Variants in PDE8B observed in about 807,000 individuals in gnomAD.
The protein encoded by PDE8B is phosphodiesterase 8B, also known as high affinity cAMP-specific and IBMX-insensitive 3',5'-cyclic phosphodiesterase 8B.
A neutral mutation model predicts 101.3 loss-of-function variants in PDE8B; 26 were observed. That is an observed-to-expected ratio of 0.26 (90% CI 0.19 to 0.36). The LOEUF (loss-of-function observed/expected upper bound fraction) is 0.36. Among genes scored for constraint, PDE8B ranks in the 10% least tolerant of loss-of-function variants. The pLI is 1.00. For missense variants in PDE8B, 810 were observed against 1,163.1 expected, an observed-to-expected ratio of 0.70 and a Z score of 4.42; for synonymous variants, 424 against 429.3, an observed-to-expected ratio of 0.99 and a Z score of 0.15.
intron 2 of PDE8B, among the ~76,000 whole-genome samples, chr5:77,320,090 T>A (rs1774693744): frequency 6.6e-6 from 1 of 152,194 alleles, no homozygotes; most frequent in African/African-American, 2.4e-5. Flanking sequence ...CACAAAACAA[T>A]CATAATTTTT....
chr5:77,316,141 T>C (rs1314538370), intron 2 of PDE8B, among the ~76,000 whole-genome samples: 1 of 152,206 alleles, frequency 6.6e-6, no homozygotes, highest in Non-Finnish European at 1.5e-5. Context: ...TTCTTGTTTC[T>C]GCTTATTATC....
At chr5:77,273,293 A>G (rs1357094195) in intron 1 of PDE8B, among the ~76,000 whole-genome samples, 2 of 152,156 alleles carry the variant, frequency 1.3e-5, no homozygotes, top group East Asian at 1.9e-4. Flanking sequence ...TATCAATTCT[A>G]TCTGTAATTT....
the PDE8B span, among the ~76,000 whole-genome samples, chr5:77,097,448 A>G: frequency 2.0e-5 from 3 of 151,880 alleles, no homozygotes; most frequent in South Asian, 4.2e-4. Context: ...TTATATGATT[A>G]TTAGTAGACA....
chr5:77,333,293 T>C lies in PDE8B; in HGVS notation c.708+1834T>C, dbSNP rs138986776. On this transcript the variant is annotated intron_variant, in intron 5 of 21. Coordinates refer to ENST00000264917, the MANE Select transcript of PDE8B (RefSeq NM_003719.5). ...AGACAATGCTTCTGAGTTTTTGGAA[T>C]GAAGAGTTGCAAAAGAAAAATCAGC... 5.2e-3 allele frequency among the ~76,000 whole-genome samples: 786 copies of C among 152,334 alleles called. 7 individuals carry two copies. Among genetic ancestry groups the C allele is most frequent in the African/African-American group, 0.018 (766 of 41,558 alleles).
the PDE8B span, chr5:77,092,453 C>T: frequency 5.9e-5 from 9 of 152,226 alleles, no homozygotes; most frequent in Middle Eastern, 3.4e-3. Context: ...ACTTTCATCA[C>T]GCGTGTAACC....
At chr5:77,326,321 G>A (rs1476717115) in intron 3 of PDE8B, among the ~76,000 whole-genome samples, 2 of 152,182 alleles carry the variant, frequency 1.3e-5, no homozygotes, top group East Asian at 3.8e-4. Flanking sequence ...AGTTAGCTCT[G>A]GATGAACTGA....
intron 1 of PDE8B, among the ~76,000 whole-genome samples, chr5:77,267,407 T>A (rs1761947415): frequency 6.8e-6 from 1 of 147,844 alleles, no homozygotes; most frequent in South Asian, 2.1e-4. Context: ...GCCACTGCAC[T>A]CCAGCCTGGG....
At chr5:77,186,207 G>A in the PDE8B span, among the ~76,000 whole-genome samples, 91 of 152,254 alleles carry the variant, frequency 6.0e-4, 1 homozygote, top group South Asian at 0.019. Context: ...GTGTGCCCAG[G>A]AAGCATGTAT....
intron 10 of PDE8B, among the ~76,000 whole-genome samples, chr5:77,376,679 T>G (rs1045219082): frequency 6.6e-6 from 1 of 152,210 alleles, no homozygotes; most frequent in East Asian, 1.9e-4. Context: ...TTCAGAACCT[T>G]AGGACACACA....
chr5:77,093,586 C>A, the PDE8B span, among the ~76,000 whole-genome samples: 1 of 152,128 alleles, frequency 6.6e-6, no homozygotes, highest in Non-Finnish European at 1.5e-5. Context: ...TGTGAGCTGA[C>A]CCAGTTGAGA....
chr5:77,121,903 G>C, the PDE8B span, among the ~76,000 whole-genome samples: 14 of 152,296 alleles, frequency 9.2e-5, no homozygotes, highest in Middle Eastern at 3.4e-3. Flanking sequence ...CACTTCTTAG[G>C]ACTTTTGTGC....
chr5:77,180,223 G>A, the PDE8B span, among the ~76,000 whole-genome samples: 32 of 152,330 alleles, frequency 2.1e-4, no homozygotes, highest in South Asian at 1.2e-3. Context: ...CCACACCCCG[G>A]GAGGGGCGCT....
chr5:77,109,547 T>A, the PDE8B span, among the ~76,000 whole-genome samples: 160 of 152,344 alleles, frequency 1.1e-3, no homozygotes, highest in African/African-American at 3.8e-3. Context: ...CAGTGGTGGC[T>A]AACCAATGCT....
chr5:77,108,551 C>T, the PDE8B span, among the ~76,000 whole-genome samples: 5 of 152,150 alleles, frequency 3.3e-5, no homozygotes, highest in South Asian at 2.1e-4. Context: ...GGCATGGTGG[C>T]GCACGCCTCT....
At chr5:77,149,202 C>T in the PDE8B span, among the ~76,000 whole-genome samples, 1 of 152,162 alleles carries the variant, frequency 6.6e-6, no homozygotes, top group Non-Finnish European at 1.5e-5. Flanking sequence ...TATCTGAACT[C>T]TCAGTTCTTC....
the PDE8B span, among the ~76,000 whole-genome samples, chr5:77,177,282 T>C: frequency 6.6e-6 from 1 of 152,228 alleles, no homozygotes; most frequent in South Asian, 2.1e-4. Flanking sequence ...GCAAGGGATA[T>C]GTTCCAGGAT....
chr5:77,260,760 G>C (rs1760416574), intron 1 of PDE8B, among the ~76,000 whole-genome samples: 1 of 151,644 alleles, frequency 6.6e-6, no homozygotes, highest in Non-Finnish European at 1.5e-5. Context: ...GCTAATTTTT[G>C]TATTTTTATT....
At chr5:77,289,604 G>T (rs553642829) in intron 1 of PDE8B, among the ~76,000 whole-genome samples, 1 of 152,308 alleles carries the variant, frequency 6.6e-6, no homozygotes, top group African/African-American at 2.4e-5. Flanking sequence ...TCTCACTTAT[G>T]TGCGACCTTG....
intron 1 of PDE8B, among the ~76,000 whole-genome samples, chr5:77,306,870 G>A (rs577908523): frequency 1.3e-5 from 2 of 152,214 alleles, no homozygotes; most frequent in Admixed American, 1.3e-4. Context: ...GCCAAGCTGA[G>A]TTTTTTTCTT....
Sources: allele counts gnomAD v4.1 joint callset (sites outside exome capture counted in the v4.1 genomes callset), GRCh38; gene constraint gnomAD v4.1.1; transcripts MANE v1.5; gene names NCBI Gene and HGNC (gene_info 2026-07-23, HGNC 2026-07-21).